FNBP1L: variants seen among roughly 807,000 people sequenced by gnomAD.
FNBP1L encodes formin-binding protein 1-like.
A neutral mutation model predicts 91.2 loss-of-function variants in FNBP1L; 36 were observed. The ratio of observed to expected loss-of-function variants is 0.39; its 90% confidence interval spans 0.30 to 0.52. FNBP1L has a LOEUF of 0.52. Ranked by LOEUF, FNBP1L falls within the 20% of genes least tolerant of loss-of-function variation. The pLI is 0.66. For missense variants in FNBP1L, 571 were observed against 732.1 expected (o/e 0.78, Z 2.54); for synonymous variants, 242 against 237.0 (o/e 1.02, Z -0.19).
chr1:93,471,902 A>C (rs779509253), intron 1 of FNBP1L, among the ~76,000 whole-genome samples: 2 of 152,142 alleles, frequency 1.3e-5, no homozygotes, highest in Non-Finnish European at 2.9e-5. Flanking sequence ...TAATAATAAC[A>C]TTAATTTATG....
chr1:93,498,762 A>G (rs1440101959), intron 1 of FNBP1L, among the ~76,000 whole-genome samples: 1 of 152,132 alleles, frequency 6.6e-6, no homozygotes, highest in African/African-American at 2.4e-5. Flanking sequence ...GGACAGTGGT[A>G]CTCTATTATA....
intron 11 of FNBP1L, among the ~76,000 whole-genome samples, 158 bp downstream of exon 11, chr1:93,541,214 T>G (rs372631853): frequency 6.6e-6 from 1 of 152,212 alleles, no homozygotes; most frequent in Non-Finnish European, 1.5e-5. Context: ...GCCAGTACTC[T>G]TGATGTCATA....
intron 8 of FNBP1L, among the ~76,000 whole-genome samples, chr1:93,534,487 TAATTA>T (rs1264344076): frequency 6.6e-6 from 1 of 152,144 alleles, no homozygotes; most frequent in African/African-American, 2.4e-5. Flanking sequence ...TATTATAAAT[TAATTA>T]AGTTGTAATT....
At chr1:93,465,044 G>A (rs572229526) in intron 1 of FNBP1L, among the ~76,000 whole-genome samples, 104 of 152,194 alleles carry the variant, frequency 6.8e-4, no homozygotes, top group African/African-American at 2.3e-3. Flanking sequence ...ATCATCAGGG[G>A]AAACTTTTTC....
chr1:93,487,896 A>G (rs1231842898), intron 1 of FNBP1L, among the ~76,000 whole-genome samples: 1 of 152,196 alleles, frequency 6.6e-6, no homozygotes, highest in Non-Finnish European at 1.5e-5. Context: ...GACCACTACT[A>G]TTAATTCCAG....
chr1:93,524,360 T>G (rs1291094459), intron 5 of FNBP1L, 37 bp downstream of exon 5: 2 of 1,410,712 alleles, frequency 1.4e-6, no homozygotes, highest in Non-Finnish European at 9.4e-7. Flanking sequence ...CATAAAATCT[T>G]GTAGACTAGA....
rs1485283316 is a variant in FNBP1L, at chr1:93,489,761, A to G, written c.25-9707A>G. Reference sequence around the variant, plus strand: ...ATTGATTTTTTAAAAATTCTACAATATTTCTCAATTTTCTTTGAGGATAGA... The same window carrying G: ...ATTGATTTTTTAAAAATTCTACAATGTTTCTCAATTTTCTTTGAGGATAGA... On this transcript the variant is annotated intron_variant, in intron 1 of 16. Coordinates refer to ENST00000271234, the MANE Select transcript of FNBP1L (RefSeq NM_001164473.3). Among the ~76,000 whole-genome samples the G allele has an allele frequency of 2.6e-5, 4 of 152,190 alleles. No homozygotes were observed. In the East Asian group the frequency reaches 7.7e-4, roughly 29 times the overall value.
intron 2 of FNBP1L, among the ~76,000 whole-genome samples, chr1:93,504,154 AAAT>A (rs1310345873): frequency 6.6e-6 from 1 of 152,236 alleles, no homozygotes; most frequent in African/African-American, 2.4e-5. Context: ...TTGAATGAAT[AAAT>A]AATTAAATAA....
chr1:93,552,055 T>C, intron 16 of FNBP1L: 1 of 1,042,108 alleles, frequency 9.6e-7, no homozygotes, highest in Non-Finnish European at 1.2e-6. Flanking sequence ...TAGAGGAAGA[T>C]ATGTGTACCG....
At chr1:93,530,631 C>A in intron 6 of FNBP1L, 124 bp from the exon 7 acceptor site, 1 of 981,046 alleles carries the variant, frequency 1.0e-6, no homozygotes, top group Non-Finnish European at 1.5e-6. Context: ...TATGCCACGT[C>A]ATTATTCTTT....
intron 10 of FNBP1L, among the ~76,000 whole-genome samples, chr1:93,537,891 C>G (rs1252973411): frequency 6.6e-6 from 1 of 152,090 alleles, no homozygotes; most frequent in East Asian, 1.9e-4. Flanking sequence ...TGTGGTCTTG[C>G]TCTGTTGCCC....
chr1:93,523,471 C>A lies in FNBP1L; in HGVS notation c.322C>A (p.Leu108Met), dbSNP rs377240504. 18 of 1,603,612 alleles carry A rather than the reference C, an allele frequency of 1.1e-5. No individual in the cohort carries two copies. In the East Asian group the frequency reaches 1.3e-4, roughly 12 times the overall value. The change falls in exon 4 of 17, where the codon CTG becomes ATG. Residue 108 changes from leucine (L) to methionine (M), a missense_variant. Physicochemically the swap from Leu to Met is conservative, Grantham distance 15. Around this residue, in one of 5 missense-constraint regions of FNBP1L, gnomAD observed 220 missense variants for 313.6 expected, o/e 0.70. Coordinates refer to ENST00000271234, the MANE Select transcript of FNBP1L (RefSeq NM_001164473.3). The stretch of plus-strand genomic sequence containing the variant: ...TGAATTAATGAGATATGCTCATGAT[C>A]TGAAAACTGAAAGAAAAATGGTAAT... ...YGELMRYAHD[L>M]KTERKMHLQE...
intron 2 of FNBP1L, among the ~76,000 whole-genome samples, chr1:93,517,953 GC>G (rs748352272): frequency 1.3e-5 from 2 of 152,180 alleles, no homozygotes; most frequent in Admixed American, 6.5e-5. Flanking sequence ...ATATCTGCTT[GC>G]AGTTGTTGTA....
chr1:93,481,603 A>G (rs1669707026), intron 1 of FNBP1L, among the ~76,000 whole-genome samples: 1 of 152,220 alleles, frequency 6.6e-6, no homozygotes, highest in Non-Finnish European at 1.5e-5. Context: ...GTAAAATTCA[A>G]GAGAAACTGA....
intron 2 of FNBP1L, 53 bp from the exon 3 acceptor site, chr1:93,522,029 T>C: frequency 1.7e-6 from 2 of 1,160,270 alleles, no homozygotes; most frequent in Non-Finnish European, 2.4e-6. Flanking sequence ...ACTATTTCAA[T>C]TGTAACAATA....
chr1:93,520,660 G>C (rs2818969), intron 2 of FNBP1L, among the ~76,000 whole-genome samples: 3 of 151,858 alleles, frequency 2.0e-5, no homozygotes, highest in Admixed American at 1.3e-4. Flanking sequence ...TTTATTTCTC[G>C]TAACTGTATG....
chr1:93,463,528 G>C lies in FNBP1L; in HGVS notation c.24+15223G>C, dbSNP rs940569815. 2.6e-5 allele frequency among the ~76,000 whole-genome samples: 4 copies of C among 152,124 alleles called. No individual in the cohort carries two copies. The South Asian group carries it at 6.2e-4, about 24-fold the overall frequency. The stretch of plus-strand genomic sequence containing the variant: ...ATGTAACCATCTGTATTAAATCTGA[G>C]TTCTCACTGATGCCTCCAAATCTAA... On this transcript the variant is annotated intron_variant, in intron 1 of 16. Coordinates refer to ENST00000271234, the MANE Select transcript of FNBP1L (RefSeq NM_001164473.3).
intron 2 of FNBP1L, among the ~76,000 whole-genome samples, chr1:93,503,880 T>C (rs1453338794): frequency 6.6e-6 from 1 of 152,208 alleles, no homozygotes; most frequent in African/African-American, 2.4e-5. Context: ...AAAGTAATTG[T>C]ATTAAGTTCT....
At chr1:93,537,935 C>G (rs1167344370) in intron 10 of FNBP1L, among the ~76,000 whole-genome samples, 1 of 152,052 alleles carries the variant, frequency 6.6e-6, no homozygotes, top group Non-Finnish European at 1.5e-5. Context: ...TCAAGCAGTC[C>G]TCCCACTTCA....
Sources: gnomAD v4.1 joint callset for allele counts (sites outside exome capture counted in the v4.1 genomes callset) on GRCh38, gnomAD v4.1.1 for gene constraint, gnomAD v4.1.1 regional missense constraint, MANE v1.5 for transcripts, NCBI Gene and HGNC (gene_info 2026-07-23, HGNC 2026-07-21) for gene names.